LYZL6: variants seen among roughly 807,000 people sequenced by gnomAD.
The protein encoded by LYZL6 is lysozyme like 6, also known as lysozyme-like protein 6.
A neutral mutation model predicts 15.0 loss-of-function variants in LYZL6; 21 were observed. The ratio of observed to expected loss-of-function variants is 1.40; its 90% CI spans 1.00 to 2.02. LYZL6 has a LOEUF of 2.02. LYZL6 is among the 30% of genes most tolerant of loss of function. The pLI is 0.00. For missense variants in LYZL6, 173 were observed against 180.5 expected (o/e 0.96, Z 0.24); for synonymous variants, 72 against 67.8 (o/e 1.06, Z -0.31).
At chr17:35,943,357 G>C (rs568137341) in intron 1 of LYZL6, among the ~76,000 whole-genome samples, 4 of 152,032 alleles carry the variant, frequency 2.6e-5, no homozygotes, top group Non-Finnish European at 4.4e-5. Context: ...TGACAGATTT[G>C]GCAAATAAAA....
chr17:35,936,540 T>C, intron 4 of LYZL6: 1 of 475,076 alleles, frequency 2.1e-6, no homozygotes, highest in Non-Finnish European at 3.8e-6. Context: ...TTCCCCCAGC[T>C]AGCTCAAGTT....
rs1472018543 is a variant in LYZL6, at chr17:35,939,534, TTTTA to T, written c.-182_-179del. 4.2e-6 allele frequency: 2 copies of T among 478,744 alleles called. No homozygotes were observed. The highest frequency in any genetic ancestry group is 1.9e-5 in the African/African-American group (1 of 51,832). The allele number at this position is 478,744 out of a possible 1,614,324, so 29.7% of individuals were successfully genotyped here. A position where few individuals can be genotyped will look rare whatever the true frequency, so the allele number is the denominator to read the frequency against. On this transcript the variant is annotated 5_prime_UTR_variant, in exon 2 of 5. It removes the in-frame stop codon of an upstream open reading frame in the 5' UTR. Coordinates refer to ENST00000615905, the MANE Select transcript of LYZL6 (RefSeq NM_020426.4). ...TTCTCTTGTTTATTATTTTATAGAT[TTTTA>T]TTTATCATGGAAAATTAAACCTTTA...
chr17:35,938,881 C>T (rs1321574414), intron 2 of LYZL6, among the ~76,000 whole-genome samples: 1 of 152,190 alleles, frequency 6.6e-6, no homozygotes, highest in African/African-American at 2.4e-5. Context: ...AAAGAATTCA[C>T]CATTGCTCCC....
At position 35,939,500 on chromosome 17, in the gene LYZL6, C is replaced by G. The variant is rs2089408330; in HGVS notation, c.-144G>C. ...CTCACTGCTCCAACCTGGCTGTTTC[C>G]AATCTCTTTTCTCTTGTTTATTATT... is the stretch of plus-strand genomic sequence containing the variant. On this transcript the variant is annotated 5_prime_UTR_variant, in exon 2 of 5. Transcript: ENST00000615905. 1 of 624,780 alleles carries G rather than the reference C, an allele frequency of 1.6e-6. No homozygotes were observed. The highest frequency in any genetic ancestry group is 2.8e-6 in the Non-Finnish European group (1 of 362,788). 38.7% of individuals were successfully genotyped at this position (624,780 alleles called of 1,614,324 possible). A position where few individuals can be genotyped will look rare whatever the true frequency, so the allele number is the denominator to read the frequency against.
chr17:35,943,284 G>A (rs11651172), intron 1 of LYZL6, among the ~76,000 whole-genome samples: 18,910 of 152,106 alleles, frequency 0.12, 1,253 homozygotes, highest in East Asian at 0.25. Flanking sequence ...TCTGAGACTC[G>A]TTCCACACCA....
intron 4 of LYZL6, among the ~76,000 whole-genome samples, chr17:35,935,189 T>C (rs2089360637): frequency 6.6e-6 from 1 of 151,892 alleles, no homozygotes; most frequent in East Asian, 1.9e-4. Flanking sequence ...TGATTCTCCC[T>C]CCAGAAAGGA....
chr17:35,935,235 T>C (rs2089361075), intron 4 of LYZL6, among the ~76,000 whole-genome samples: 1 of 151,808 alleles, frequency 6.6e-6, no homozygotes, highest in African/African-American at 2.4e-5. Flanking sequence ...TTTTCTGTGG[T>C]GTTTTGAGTA....
intron 4 of LYZL6, 71 bp downstream of exon 4, chr17:35,936,684 T>C: frequency 1.5e-6 from 2 of 1,356,008 alleles, no homozygotes; most frequent in Non-Finnish European, 2.1e-6. Flanking sequence ...AGTCCTTGCC[T>C]ACTGCCCTTT....
At chr17:35,942,805 G>A (rs77226828) in intron 1 of LYZL6, among the ~76,000 whole-genome samples, 2,631 of 152,178 alleles carry the variant, frequency 0.017, 51 homozygotes, top group Non-Finnish European at 0.028. Context: ...CTCTTTAGGC[G>A]CGCTAAGATA....
chr17:35,936,233 G>A (rs537866323), intron 4 of LYZL6, among the ~76,000 whole-genome samples: 2 of 152,344 alleles, frequency 1.3e-5, no homozygotes, highest in Admixed American at 1.3e-4. Flanking sequence ...GGCACACATG[G>A]TCCAAGTGGA....
At chr17:35,937,560 T>C (rs1325857763) in intron 3 of LYZL6, among the ~76,000 whole-genome samples, 198 bp downstream of exon 3, 1 of 152,230 alleles carries the variant, frequency 6.6e-6, no homozygotes, top group African/African-American at 2.4e-5. Flanking sequence ...TCCTGGATCC[T>C]ACTCAGGGAC....
At chr17:35,943,523 A>G (rs2089438778) in intron 1 of LYZL6, 44 bp downstream of exon 1, 1 of 152,170 alleles carries the variant, frequency 6.6e-6, no homozygotes, top group Non-Finnish European at 1.5e-5. Flanking sequence ...CTCAAGGAAG[A>G]CAGTGGCTCC....
chr17:35,940,279 C>T (rs1204319875), intron 1 of LYZL6, among the ~76,000 whole-genome samples: 2 of 152,038 alleles, frequency 1.3e-5, no homozygotes, highest in East Asian at 3.9e-4. Context: ...TGAAATAATG[C>T]CCAGATCTTG....
At chr17:35,937,018 G>T (rs1168806418) in intron 3 of LYZL6, among the ~76,000 whole-genome samples, 185 bp from the exon 4 acceptor site, 1 of 152,226 alleles carries the variant, frequency 6.6e-6, no homozygotes, top group Non-Finnish European at 1.5e-5. Flanking sequence ...GTGAAAGGGG[G>T]TGTGGGCAGA....
intron 2 of LYZL6, 118 bp downstream of exon 2, chr17:35,939,100 T>C (rs1022113369): frequency 1.0e-5 from 13 of 1,268,386 alleles, no homozygotes; most frequent in Non-Finnish European, 1.3e-5. Flanking sequence ...AAAGGCTTTT[T>C]TGAAGGGGGC....
chr17:35,939,572 A>T lies in LYZL6; in HGVS notation c.-202-14T>A, dbSNP rs1004155433. ...GGAAAATTAAACCTTTAAAAAAGGA[A>T]AGAGAATAGTATCATGAACCTCCAT... is the stretch of plus-strand genomic sequence containing the variant. On this transcript the variant is annotated splice_polypyrimidine_tract_variant and intron_variant, in intron 1 of 4. Transcript: ENST00000615905. 2.4e-6 allele frequency: 1 copy of T among 422,700 alleles called. No individual in the cohort carries two copies. The highest frequency in any genetic ancestry group is 3.7e-5 in the Admixed American group (1 of 26,676). 26.2% of individuals were successfully genotyped at this position (422,700 alleles called of 1,614,324 possible).
rs1351856350 is a variant in LYZL6 at position 35,935,917 on chromosome 17, G to A, written c.377+838C>T. Among the ~76,000 whole-genome samples the A allele has an allele frequency of 2.6e-5, 4 of 151,812 alleles. No individual in the cohort carries two copies. In the South Asian group the frequency reaches 6.3e-4, roughly 24 times the overall value. On this transcript the variant is annotated intron_variant, in intron 4 of 4. Coordinates refer to ENST00000615905, the MANE Select transcript of LYZL6 (RefSeq NM_020426.4). ...CAGCCTCCACCTCCCAGGTTCAAGC[G>A]ATTCTTCTGCCTCAGCCTCCTGAGT...
chr17:35,935,146 TA>T (rs11347315), intron 4 of LYZL6, among the ~76,000 whole-genome samples: 34,357 of 140,514 alleles, frequency 0.24, 4,739 homozygotes, highest in African/African-American at 0.41. Flanking sequence ...AGTTACTTAT[TA>T]AAAAAAAAAA....
intron 2 of LYZL6, 130 bp from the exon 3 acceptor site, chr17:35,938,046 G>T: frequency 1.2e-6 from 1 of 805,858 alleles, no homozygotes; most frequent in Non-Finnish European, 1.9e-6. Context: ...GGACTAGAGG[G>T]CTTGAAATCT....
Sources: allele counts gnomAD v4.1 joint callset (sites outside exome capture counted in the v4.1 genomes callset), GRCh38; gene constraint gnomAD v4.1.1; transcripts MANE v1.5; gene names NCBI Gene and HGNC (gene_info 2026-07-23, HGNC 2026-07-21).